Variants in ACSL3 observed in about 807,000 individuals in gnomAD.
ACSL3 encodes the protein acyl-CoA synthetase long chain family member 3, also known as fatty acid CoA ligase Acsl3.
ACSL3 carries 34 observed loss-of-function variants against 84.7 expected under a neutral mutation model. The observed-to-expected ratio is 0.40, with a 90% CI of 0.31 to 0.53. The LOEUF (loss-of-function observed/expected upper bound fraction) is 0.53, where lower values mean the gene tolerates loss of function less well. Among genes scored for constraint, ACSL3 ranks in the 20% least tolerant of loss-of-function variants. ACSL3 has a pLI of 0.48. For missense variants in ACSL3, 680 were observed against 873.1 expected (o/e 0.78, Z 2.79); for synonymous variants, 315 against 299.4 (o/e 1.05, Z -0.54).
chr2:222,943,085 CAAAAAAA>C lies in ACSL3; in HGVS notation c.*1439_*1445del. 1 of 188,788 alleles carries C rather than the reference CAAAAAAA, an allele frequency of 5.3e-6. No individual in the cohort carries two copies. 11.7% of individuals were successfully genotyped at this position (188,788 alleles called of 1,614,324 possible). On this transcript the variant is annotated 3_prime_UTR_variant, in exon 17 of 17. Transcript: ENST00000357430. ...ACTGTAGGCATCAAAAGGCAAAAAT[CAAAAAAA>C]AAAAAAACAAAAACAAAAAAAAAGA...
chr2:222,922,572 CAA>C, intron 8 of ACSL3, 134 bp from the exon 9 acceptor site: 2 of 1,074,128 alleles, frequency 1.9e-6, no homozygotes, highest in African/African-American at 1.6e-5. Context: ...CTCTCTCTCA[CAA>C]ACACATACAC....
chr2:222,928,737 T>C, intron 12 of ACSL3, 125 bp from the exon 13 acceptor site: 1 of 841,530 alleles, frequency 1.2e-6, no homozygotes, highest in Non-Finnish European at 1.9e-6. Context: ...ATGTGACTTC[T>C]GCTTTTAAGG....
chr2:222,867,883 C>T (rs561406841), intron 1 of ACSL3, among the ~76,000 whole-genome samples: 4 of 151,974 alleles, frequency 2.6e-5, no homozygotes, highest in African/African-American at 9.6e-5. Flanking sequence ...GCTAAGGTAC[C>T]ATTCTTTGTC....
intron 10 of ACSL3, 34 bp from the exon 11 acceptor site, chr2:222,924,422 A>ATGTAAGGCAGT (rs1696821387): frequency 1.3e-6 from 2 of 1,530,566 alleles, no homozygotes; most frequent in Non-Finnish European, 1.8e-6. Flanking sequence ...AGCTGTTATT[A>ATGTAAGGCAGT]TTAACTATGT....
intron 14 of ACSL3, among the ~76,000 whole-genome samples, chr2:222,932,014 A>T (rs981587485): frequency 2.6e-5 from 4 of 152,172 alleles, no homozygotes; most frequent in African/African-American, 7.2e-5. Flanking sequence ...CAGTATGAGC[A>T]ACAGAGTGAG....
At chr2:222,900,231 GAAT>G (rs3076928) in intron 2 of ACSL3, among the ~76,000 whole-genome samples, 46,990 of 151,916 alleles carry the variant, frequency 0.31, 7,482 homozygotes, top group Admixed American at 0.4. Flanking sequence ...TGACGCCCTT[GAAT>G]ACTTGCTCTG....
chr2:222,892,352 AT>A lies in ACSL3; in HGVS notation c.-148+4469del, dbSNP rs1282712684. 6.3e-3 allele frequency among the ~76,000 whole-genome samples: 952 copies of A among 152,264 alleles called. 9 individuals carry two copies. The highest frequency in any genetic ancestry group is 0.022 in the African/African-American group (901 of 41,550). ...TCTTGAACTAGGTATCTAGGTATGT[AT>A]TTTTATTATGTGTTTAGCTTTGGAT... On this transcript the variant is annotated intron_variant, in intron 2 of 16. Transcript: ENST00000357430.
rs34336387 is a variant in ACSL3, at chr2:222,941,633, G to A, written c.2142G>A (p.Glu714=). The part of the protein sequence containing the change: ...ELKTHYQADI[E]RMYGRK ...AAACACATTACCAGGCGGACATTGA[G>A]CGAATGTATGGAAGAAAATAATTAT... The change falls in exon 17 of 17, where the codon GAG becomes GAA. Residue 714 remains glutamate (E), a synonymous_variant. Coordinates refer to ENST00000357430, the MANE Select transcript of ACSL3 (RefSeq NM_004457.5). 900 of 1,612,818 alleles carry A rather than the reference G, an allele frequency of 5.6e-4. 1 individual carries two copies. The highest frequency in any genetic ancestry group is 6.3e-4 in the Non-Finnish European group (740 of 1,179,586).
chr2:222,872,073 G>A (rs1282715065), intron 1 of ACSL3, among the ~76,000 whole-genome samples: 1 of 152,026 alleles, frequency 6.6e-6, no homozygotes, highest in Non-Finnish European at 1.5e-5. Context: ...TCATAATTTA[G>A]AATACAGGTG....
chr2:222,919,700 A>G (rs1188034694), intron 7 of ACSL3, among the ~76,000 whole-genome samples: 1 of 152,168 alleles, frequency 6.6e-6, no homozygotes, highest in Non-Finnish European at 1.5e-5. Flanking sequence ...AATGTTAGCT[A>G]GTGTACTAGT....
chr2:222,877,056 G>A (rs1695467749), intron 1 of ACSL3, among the ~76,000 whole-genome samples: 3 of 152,180 alleles, frequency 2.0e-5, no homozygotes, highest in South Asian at 4.1e-4. Flanking sequence ...AAAGGCATGG[G>A]ACAAGAACAC....
At chr2:222,907,379 C>A (rs1403065018) in intron 3 of ACSL3, among the ~76,000 whole-genome samples, 1 of 152,180 alleles carries the variant, frequency 6.6e-6, no homozygotes, top group African/African-American at 2.4e-5. Flanking sequence ...AAAATGCTGG[C>A]TGCTTGCGTC....
At chr2:222,901,963 A>T (rs12694584) in intron 3 of ACSL3, among the ~76,000 whole-genome samples, 438 of 21,344 alleles carry the variant, frequency 0.021, 36 homozygotes, top group African/African-American at 0.12. Context: ...AAAAAAAAAA[A>T]AGAACTCAAA....
In ACSL3 at chr2:222,943,484, G is replaced by T. The variant is rs75583089; in HGVS notation, c.*1830G>T. 5.6e-3 allele frequency: 949 copies of T among 169,470 alleles called. 4 individuals are homozygous for T. The highest frequency in any genetic ancestry group is 0.022 in the African/African-American group (909 of 42,108). 10.5% of individuals were successfully genotyped at this position (169,470 alleles called of 1,614,324 possible). On this transcript the variant is annotated 3_prime_UTR_variant, in exon 17 of 17. Coordinates refer to ENST00000357430, the MANE Select transcript of ACSL3 (RefSeq NM_004457.5). ...AAAGGAGATTGTATCTAGGAAAAAA[G>T]TGTGAATGCTTCAAAGGAGAGATAC...
chr2:222,903,995 C>G (rs937278082), intron 3 of ACSL3, among the ~76,000 whole-genome samples: 10 of 152,062 alleles, frequency 6.6e-5, no homozygotes, highest in Non-Finnish European at 1.2e-4. Context: ...TTATGGTCGG[C>G]TGGGCGCGGT....
chr2:222,935,408 A>G (rs527238946), intron 16 of ACSL3, among the ~76,000 whole-genome samples: 1 of 152,156 alleles, frequency 6.6e-6, no homozygotes, highest in Non-Finnish European at 1.5e-5. Context: ...AGGCCTCACT[A>G]TGTTGGCCAG....
intron 16 of ACSL3, among the ~76,000 whole-genome samples, chr2:222,938,970 A>C (rs919516556): frequency 6.6e-6 from 1 of 151,806 alleles, no homozygotes; most frequent in Non-Finnish European, 1.5e-5. Context: ...ATTTTAAAAA[A>C]ATTTCTTTCA....
chr2:222,915,422 G>A (rs1696552949), intron 4 of ACSL3, among the ~76,000 whole-genome samples: 2 of 152,128 alleles, frequency 1.3e-5, no homozygotes, highest in Non-Finnish European at 2.9e-5. Flanking sequence ...TTTATAAAAT[G>A]AACATGGTCA....
At chr2:222,933,381 C>G (rs530073939) in intron 15 of ACSL3, 101 bp downstream of exon 15, 1 of 778,888 alleles carries the variant, frequency 1.3e-6, no homozygotes, top group South Asian at 2.0e-5. Flanking sequence ...TCCGAGAACT[C>G]TTCCTATCTG....
Sources: allele counts gnomAD v4.1 joint callset (sites outside exome capture counted in the v4.1 genomes callset), GRCh38; gene constraint gnomAD v4.1.1; transcripts MANE v1.5; gene names NCBI Gene and HGNC (gene_info 2026-07-23, HGNC 2026-07-21).